The following GALNT11 variants were observed in gnomAD, a reference collection of about 807,000 sequenced individuals.
The protein encoded by GALNT11 is polypeptide N-acetylgalactosaminyltransferase 11.
A neutral mutation model predicts 72.7 loss-of-function variants in GALNT11; 47 were observed. The observed-to-expected ratio is 0.65, with a 90% CI of 0.51 to 0.82. The LOEUF (loss-of-function observed/expected upper bound fraction) is 0.82. GALNT11 is among the 40% of genes least tolerant of loss of function. GALNT11 has a pLI of 0.00. For missense variants in GALNT11, 677 were observed against 778.4 expected, an observed-to-expected ratio of 0.87 and a Z score of 1.55; for synonymous variants, 270 against 286.6, an observed-to-expected ratio of 0.94 and a Z score of 0.58.
chr7:152,039,377 C>G (rs142751085), intron 1 of GALNT11, among the ~76,000 whole-genome samples: 1,785 of 152,228 alleles, frequency 0.012, 35 homozygotes, highest in African/African-American at 0.041. Flanking sequence ...GCATGTGTAA[C>G]TGTGTCATAG....
intron 1 of GALNT11, among the ~76,000 whole-genome samples, chr7:152,039,129 A>G (rs556899935): frequency 6.6e-6 from 1 of 152,306 alleles, no homozygotes; most frequent in South Asian, 2.1e-4. Flanking sequence ...CCAGCTGAAC[A>G]TAGTGTGGCC....
In GALNT11 at chr7:152,031,221, C is replaced by T. The variant is rs188428021; in HGVS notation, c.-39+5337C>T. Among the ~76,000 whole-genome samples, 34 of 152,326 alleles carry T rather than the reference C, an allele frequency of 2.2e-4. No individual in the cohort carries two copies. The East Asian group carries it at 6.4e-3, about 29-fold the overall frequency. On this transcript the variant is annotated intron_variant, in intron 1 of 11. Coordinates refer to ENST00000430044, the MANE Select transcript of GALNT11 (RefSeq NM_022087.4). The stretch of plus-strand genomic sequence containing the variant: ...ACTAACTATGGCATAACCTGCCCTT[C>T]GTATCCCATTCTCCACAAATGAACT...
chr7:152,026,814 A>G (rs1032824919), intron 1 of GALNT11, among the ~76,000 whole-genome samples: 1 of 152,206 alleles, frequency 6.6e-6, no homozygotes, highest in Non-Finnish European at 1.5e-5. Context: ...CTATACCTGT[A>G]TTTGATTGAA....
intron 1 of GALNT11, among the ~76,000 whole-genome samples, chr7:152,058,371 G>A (rs570485845): frequency 1.3e-5 from 2 of 152,156 alleles, no homozygotes; most frequent in Non-Finnish European, 2.9e-5. Flanking sequence ...TTGAGATGGA[G>A]TCTTGCTCTG....
At chr7:152,116,969 GACTC>G (rs1417363090) in intron 8 of GALNT11, 184 bp from the exon 9 acceptor site, 3 of 696,802 alleles carry the variant, frequency 4.3e-6, no homozygotes, top group Non-Finnish European at 7.8e-6. Context: ...CGATGACTGA[GACTC>G]ACGAGTTTGA....
chr7:152,115,917 G>A (rs1468013004), intron 8 of GALNT11, among the ~76,000 whole-genome samples: 1 of 152,136 alleles, frequency 6.6e-6, no homozygotes, highest in African/African-American at 2.4e-5. Context: ...TTAGCCGGGT[G>A]TGGTGGCGCA....
At chr7:152,027,561 A>G (rs1047115820) in intron 1 of GALNT11, 4 of 152,612 alleles carry the variant, frequency 2.6e-5, no homozygotes, top group African/African-American at 9.7e-5. Context: ...GGGTTTTATA[A>G]TAGCATCAGC....
intron 8 of GALNT11, among the ~76,000 whole-genome samples, chr7:152,114,072 T>C (rs2088580683): frequency 6.6e-6 from 1 of 151,918 alleles, no homozygotes; most frequent in Non-Finnish European, 1.5e-5. Flanking sequence ...CCTGGCCTTT[T>C]CTTTTACTCA....
At chr7:152,115,912 C>T (rs921571263) in intron 8 of GALNT11, among the ~76,000 whole-genome samples, 40 of 151,808 alleles carry the variant, frequency 2.6e-4, no homozygotes, top group African/African-American at 8.7e-4. Context: ...CAAAATTAGC[C>T]GGGTGTGGTG....
At chr7:152,039,862 C>T (rs1488685778) in intron 1 of GALNT11, among the ~76,000 whole-genome samples, 2 of 152,126 alleles carry the variant, frequency 1.3e-5, no homozygotes, top group African/African-American at 4.8e-5. Context: ...CTGCTTCTGT[C>T]TTTGCAGCTG....
At chr7:152,095,874 C>T (rs566457889) in intron 2 of GALNT11, among the ~76,000 whole-genome samples, 2 of 152,174 alleles carry the variant, frequency 1.3e-5, no homozygotes, top group South Asian at 2.1e-4. Context: ...TATAGACTAT[C>T]GTAAAGAATC....
intron 2 of GALNT11, among the ~76,000 whole-genome samples, chr7:152,095,145 G>A (rs1587315763): frequency 1.3e-5 from 2 of 152,050 alleles, no homozygotes; most frequent in East Asian, 3.9e-4. Context: ...AAAAATATAT[G>A]TATATATAAT....
chr7:152,117,633 T>G, intron 9 of GALNT11: 1 of 511,456 alleles, frequency 2.0e-6, no homozygotes, highest in African/African-American at 1.9e-5. Flanking sequence ...CGCAGAGGCA[T>G]ATGGGAATAC....
At chr7:152,120,744 T>C in intron 10 of GALNT11, 87 bp from the exon 11 acceptor site, 2 of 1,206,156 alleles carry the variant, frequency 1.7e-6, no homozygotes, top group South Asian at 1.3e-5. Context: ...TTTGAGACCT[T>C]ACAGAATCAA....
At chr7:152,050,240 C>G (rs1269438023) in intron 1 of GALNT11, among the ~76,000 whole-genome samples, 1 of 152,150 alleles carries the variant, frequency 6.6e-6, no homozygotes, top group Non-Finnish European at 1.5e-5. Flanking sequence ...CAGCACGTCT[C>G]TGAGTCTCAC....
At chr7:152,070,057 T>C (rs6464198) in intron 1 of GALNT11, among the ~76,000 whole-genome samples, 23,003 of 149,964 alleles carry the variant, frequency 0.15, 4,334 homozygotes, top group African/African-American at 0.45. Context: ...AGAGCAGTGG[T>C]GTGATCTTGG....
At chr7:152,087,594 A>C (rs2085731544) in intron 1 of GALNT11, among the ~76,000 whole-genome samples, 1 of 152,240 alleles carries the variant, frequency 6.6e-6, no homozygotes, top group Non-Finnish European at 1.5e-5. Context: ...ATCTAATGAC[A>C]AAAAATTAAT....
Position 152,100,935 on chromosome 7 carries a change from C to T in GALNT11, c.419+14C>T, listed in dbSNP as rs1018004507. On this transcript the variant is annotated intron_variant, in intron 3 of 11. Coordinates refer to ENST00000430044, the MANE Select transcript of GALNT11 (RefSeq NM_022087.4). Reference sequence around the variant, plus strand: ...AAGGAATGCAGCGTATGTGCCTTATCGGATTTGCAAATACATTTTAACAAC... The same window carrying T: ...AAGGAATGCAGCGTATGTGCCTTATTGGATTTGCAAATACATTTTAACAAC... The T allele has an allele frequency of 1.4e-5, 22 of 1,611,846 alleles. No individual in the cohort carries two copies. The highest frequency in any genetic ancestry group is 9.4e-5 in the African/African-American group (7 of 74,772).
chr7:152,055,561 GTGTGTGTATA>G (rs1387435279), intron 1 of GALNT11, among the ~76,000 whole-genome samples: 38 of 114,394 alleles, frequency 3.3e-4, no homozygotes, highest in African/African-American at 1.5e-3. Context: ...GTGTGTGTGT[GTGTGTGTATA>G]TATACATATA....
Sources: gnomAD v4.1 joint callset for allele counts (sites outside exome capture counted in the v4.1 genomes callset) on GRCh38, gnomAD v4.1.1 for gene constraint, MANE v1.5 for transcripts, NCBI Gene and HGNC (gene_info 2026-07-23, HGNC 2026-07-21) for gene names.